The following AMPD3 variants were observed in gnomAD, a reference collection of about 807,000 sequenced individuals.
AMPD3 encodes adenosine monophosphate deaminase 3.
In AMPD3, 57 loss-of-function variants were observed where a neutral mutation model predicts 82.3. The observed-to-expected ratio is 0.69, with a 90% CI of 0.56 to 0.86. The LOEUF is 0.86. AMPD3 is among the 40% of genes least tolerant of loss of function. The probability of loss-of-function intolerance (pLI) is 0.00; values close to 1 mark genes in which losing one functional copy is unlikely to be tolerated. For missense variants in AMPD3, 870 were observed against 1,003.8 expected (o/e 0.87, Z 1.80); for synonymous variants, 381 against 394.7 (o/e 0.97, Z 0.41).
chr11:10,504,048 A>G lies in AMPD3; in HGVS notation c.2017-501A>G, dbSNP rs994887573. ...GATCATTCTGGGATTACACCATTTTACCACTTATCCTATGATCACTTCTCA... is the reference window on the plus strand; with the variant it reads ...GATCATTCTGGGATTACACCATTTTGCCACTTATCCTATGATCACTTCTCA... On this transcript the variant is annotated intron_variant, in intron 13 of 14. Coordinates refer to ENST00000396553, the MANE Select transcript of AMPD3 (RefSeq NM_001025389.2). The G allele has an allele frequency of 7.2e-6, 7 of 978,818 alleles. No individual in the cohort carries two copies. The African/African-American group carries it at 1.2e-4, about 17-fold the overall frequency. 60.6% of individuals were successfully genotyped at this position (978,818 alleles called of 1,614,324 possible). A position where few individuals can be genotyped will look rare whatever the true frequency, so the allele number is the denominator to read the frequency against.
At chr11:10,473,709 T>C (rs1352854761) in intron 2 of AMPD3, 2 of 644,672 alleles carry the variant, frequency 3.1e-6, no homozygotes, top group African/African-American at 4.0e-5. Context: ...CCAGATAGGC[T>C]GGGACCTCTG....
In AMPD3 at chr11:10,468,961, C is replaced by T. The variant is rs571020549; in HGVS notation, c.221+7221C>T. 4.7e-3 allele frequency among the ~76,000 whole-genome samples: 722 copies of T among 152,320 alleles called. 5 individuals are homozygous for T. The highest frequency in any genetic ancestry group is 5.6e-3 in the Non-Finnish European group (384 of 68,024). On this transcript the variant is annotated intron_variant, in intron 2 of 14. Transcript: ENST00000396553. ...GAAACCAGTGAGAACAAAGACACAACGTACCAGAATCTCTGGGACACATTT... is the reference window on the plus strand; with the variant it reads ...GAAACCAGTGAGAACAAAGACACAATGTACCAGAATCTCTGGGACACATTT...
chr11:10,497,562 G>A, intron 10 of AMPD3: 1 of 985,334 alleles, frequency 1.0e-6, no homozygotes, highest in Non-Finnish European at 1.2e-6. Flanking sequence ...CTTTCTACAG[G>A]GAGAGGCACA....
intron 2 of AMPD3, among the ~76,000 whole-genome samples, chr11:10,472,189 A>G (rs1206282455): frequency 6.6e-6 from 1 of 152,192 alleles, no homozygotes; most frequent in African/African-American, 2.4e-5. Flanking sequence ...AAACTAACAC[A>G]AGAAGAGAAA....
rs370359332 is a variant in AMPD3, at chr11:10,480,962, C to T, written c.427-1101C>T. ...TCCCAAACAGACTAAGATTAATGAG[C>T]CTGTTGGAAGGCGGGAATTTATCTC... On this transcript the variant is annotated intron_variant, in intron 3 of 14. Transcript: ENST00000396553. 1.9e-4 allele frequency among the ~76,000 whole-genome samples: 29 copies of T among 152,174 alleles called. No homozygotes were observed. The South Asian group carries it at 5.8e-3, about 31-fold the overall frequency.
At chr11:10,481,478 G>C (rs1295595701) in intron 3 of AMPD3, 1 of 985,272 alleles carries the variant, frequency 1.0e-6, no homozygotes, top group Non-Finnish European at 1.2e-6. Flanking sequence ...GCACTTGTCT[G>C]TCTTCCAACG....
At chr11:10,500,510 C>G in intron 11 of AMPD3, 3 of 749,886 alleles carry the variant, frequency 4.0e-6, no homozygotes, top group Non-Finnish European at 4.9e-6. Flanking sequence ...GTACAGTATG[C>G]AATGCAGCCA....
At chr11:10,473,142 C>T (rs138566331) in intron 2 of AMPD3, among the ~76,000 whole-genome samples, 3 of 152,036 alleles carry the variant, frequency 2.0e-5, no homozygotes, top group African/African-American at 2.4e-5. Context: ...TGGTGGTGTG[C>T]GCCTATGGTT....
chr11:10,493,235 GC>G, intron 6 of AMPD3, 113 bp from the exon 7 acceptor site: 3 of 1,235,774 alleles, frequency 2.4e-6, no homozygotes, highest in Non-Finnish European at 3.5e-6. Flanking sequence ...TGGTGGGGCT[GC>G]CCGGATGGCC....
At chr11:10,464,868 G>A (rs144078753) in intron 2 of AMPD3, among the ~76,000 whole-genome samples, 70 of 152,144 alleles carry the variant, frequency 4.6e-4, no homozygotes, top group African/African-American at 1.5e-3. Context: ...TTCTTATCCC[G>A]TGGCAGATTT....
chr11:10,466,639 C>G (rs953437374), intron 2 of AMPD3, among the ~76,000 whole-genome samples: 1 of 152,220 alleles, frequency 6.6e-6, no homozygotes, highest in African/African-American at 2.4e-5. Context: ...ATGTCCCTGC[C>G]TGACAGCTCT....
chr11:10,492,769 G>A (rs1849274362), intron 6 of AMPD3, among the ~76,000 whole-genome samples: 1 of 152,200 alleles, frequency 6.6e-6, no homozygotes, highest in African/African-American at 2.4e-5. Flanking sequence ...AGGTTTTGAG[G>A]TTGGGCAAGG....
rs778029798 is a variant in AMPD3, at chr11:10,484,447, C to A, written c.590-373C>A. 9.1e-6 allele frequency: 9 copies of A among 985,132 alleles called. No individual in the cohort carries two copies. In the South Asian group the frequency reaches 3.3e-4, roughly 36 times the overall value. The allele number at this position is 985,132 out of a possible 1,614,324, so 61.0% of individuals were successfully genotyped here. A position where few individuals can be genotyped will look rare whatever the true frequency, so the allele number is the denominator to read the frequency against. On this transcript the variant is annotated intron_variant, in intron 4 of 14. Coordinates refer to ENST00000396553, the MANE Select transcript of AMPD3 (RefSeq NM_001025389.2). ...AGACACCGCTGCTCTTTTTAATATT[C>A]CTGGAATCTCTGAAGTGCCGAGGAA...
At chr11:10,478,071 C>T (rs1848791929) in intron 2 of AMPD3, 2 of 985,336 alleles carry the variant, frequency 2.0e-6, no homozygotes, top group East Asian at 1.1e-4. Flanking sequence ...CTCTGTGACC[C>T]TATTCCTGGT....
intron 5 of AMPD3, 190 bp from the exon 6 acceptor site, chr11:10,487,045 C>G: frequency 1.0e-6 from 1 of 976,598 alleles, no homozygotes; most frequent in Non-Finnish European, 1.2e-6. Context: ...TGACTCTCCA[C>G]TGACTTTATA....
intron 6 of AMPD3, chr11:10,488,556 C>A: frequency 2.3e-6 from 1 of 438,182 alleles, no homozygotes; most frequent in Non-Finnish European, 3.0e-6. Context: ...CGGGGAGCAG[C>A]GGGTTGTGGG....
intron 7 of AMPD3, chr11:10,494,361 A>G (rs541871643): frequency 6.1e-6 from 1 of 163,836 alleles, no homozygotes; most frequent in East Asian, 1.9e-4. Context: ...TTTAGTGGGT[A>G]TAGAGTTTGT....
At chr11:10,497,531 C>T in intron 10 of AMPD3, 2 of 972,418 alleles carry the variant, frequency 2.1e-6, no homozygotes, top group Non-Finnish European at 2.4e-6. Context: ...GTGATACAGG[C>T]CAGTGCCTGG....
chr11:10,450,499 G>C (rs933127714), upstream of AMPD3: 32 of 985,936 alleles, frequency 3.2e-5, no homozygotes, highest in African/African-American at 4.4e-4. Flanking sequence ...AGTTGTGCGG[G>C]GAGGGGAGGA....
Sources: allele counts gnomAD v4.1 joint callset (sites outside exome capture counted in the v4.1 genomes callset), GRCh38; gene constraint gnomAD v4.1.1; transcripts MANE v1.5; gene names NCBI Gene and HGNC (gene_info 2026-07-23, HGNC 2026-07-21).